MAMDC2: variants seen among roughly 807,000 people sequenced by gnomAD.
The protein encoded by MAMDC2 is MAM domain-containing protein 2.
Under a neutral mutation model 89.8 loss-of-function variants are expected in MAMDC2, and 57 were observed. The observed-to-expected ratio is 0.63, with a 90% CI of 0.51 to 0.79. The LOEUF is 0.79. MAMDC2 is among the 30% of genes least tolerant of loss of function. The pLI is 0.00. For missense variants in MAMDC2, 800 were observed against 820.6 expected, an observed-to-expected ratio of 0.97 and a Z score of 0.31; for synonymous variants, 313 against 293.4, an observed-to-expected ratio of 1.07 and a Z score of -0.68.
At chr9:70,062,421 T>C (rs1467439977) in intron 2 of MAMDC2, 4 of 152,188 alleles carry the variant, frequency 2.6e-5, no homozygotes, top group Non-Finnish European at 5.9e-5. Flanking sequence ...TTTTTTAGGT[T>C]TGAGCATACT....
chr9:70,095,426 G>A (rs1828004777), intron 2 of MAMDC2, among the ~76,000 whole-genome samples: 1 of 152,194 alleles, frequency 6.6e-6, no homozygotes, highest in Non-Finnish European at 1.5e-5. Context: ...GGAACTTGAA[G>A]GAATGGTTGA....
At chr9:70,220,214 T>C (rs1229745613) in intron 12 of MAMDC2, among the ~76,000 whole-genome samples, 10 of 152,220 alleles carry the variant, frequency 6.6e-5, no homozygotes, top group Non-Finnish European at 2.9e-5. Context: ...TATCAGCATC[T>C]AGGCCTTGGG....
intron 9 of MAMDC2, among the ~76,000 whole-genome samples, chr9:70,158,660 TAC>T (rs1168723413): frequency 6.6e-6 from 1 of 152,012 alleles, no homozygotes; most frequent in Non-Finnish European, 1.5e-5. Flanking sequence ...TATATGTATA[TAC>T]AGTCATGTAT....
At chr9:70,203,777 A>G (rs1226087377) in intron 11 of MAMDC2, among the ~76,000 whole-genome samples, 1 of 125,860 alleles carries the variant, frequency 7.9e-6, no homozygotes, top group East Asian at 2.4e-4. Flanking sequence ...TCTTCTCTAA[A>G]CTTCCCTTCT....
At chr9:70,146,744 C>T (rs1330539097) in intron 9 of MAMDC2, among the ~76,000 whole-genome samples, 1 of 151,810 alleles carries the variant, frequency 6.6e-6, no homozygotes, top group South Asian at 2.1e-4. Context: ...ACCAGCCTGG[C>T]CAACACGGCA....
At chr9:70,056,923 G>C (rs1827037017) in intron 2 of MAMDC2, among the ~76,000 whole-genome samples, 1 of 152,208 alleles carries the variant, frequency 6.6e-6, no homozygotes, top group Admixed American at 6.5e-5. Context: ...TCTAATGCCT[G>C]ATGATCTGTC....
At chr9:70,062,382 G>A (rs1417426543) in intron 2 of MAMDC2, among the ~76,000 whole-genome samples, 7 of 151,980 alleles carry the variant, frequency 4.6e-5, no homozygotes, top group Admixed American at 1.3e-4. Flanking sequence ...TTGAAGGATC[G>A]TAAGAGATGA....
rs2033637658 is a variant in MAMDC2, at chr9:70,226,180, A to G, written c.*148A>G. On this transcript the variant is annotated 3_prime_UTR_variant, in exon 14 of 14. Transcript: ENST00000377182. Reference sequence around the variant, plus strand: ...ACCCTCCTTCATTACTTTTGCAAAAACATACTGACTCAGGGCTCTTTTTTT... The same window carrying G: ...ACCCTCCTTCATTACTTTTGCAAAAGCATACTGACTCAGGGCTCTTTTTTT... 1 of 489,640 alleles carries G rather than the reference A, an allele frequency of 2.0e-6. No individual in the cohort carries two copies. Among genetic ancestry groups the G allele is most frequent in the Non-Finnish European group, 3.6e-6 (1 of 274,874 alleles). The allele number at this position is 489,640 out of a possible 1,614,324, so 30.3% of individuals were successfully genotyped here. A position where few individuals can be genotyped will look rare whatever the true frequency, so the allele number is the denominator to read the frequency against.
chr9:70,119,474 T>C (rs888354616), intron 5 of MAMDC2, among the ~76,000 whole-genome samples: 2 of 152,222 alleles, frequency 1.3e-5, no homozygotes, highest in Admixed American at 1.3e-4. Flanking sequence ...GTGCGTGGTG[T>C]AAGTACTCGG....
At chr9:70,214,894 G>A (rs1333898956) in intron 11 of MAMDC2, among the ~76,000 whole-genome samples, 1 of 152,220 alleles carries the variant, frequency 6.6e-6, no homozygotes, top group African/African-American at 2.4e-5. Flanking sequence ...CTGTCAGGAA[G>A]TTGAGTTTTG....
intron 11 of MAMDC2, among the ~76,000 whole-genome samples, chr9:70,198,832 AAAT>A (rs568492851): frequency 9.0e-4 from 137 of 152,300 alleles, no homozygotes; most frequent in African/African-American, 3.0e-3. Flanking sequence ...ATAAAATATT[AAAT>A]AATGAAGTTT....
intron 2 of MAMDC2, among the ~76,000 whole-genome samples, chr9:70,095,069 A>G (rs1827993245): frequency 1.3e-5 from 2 of 152,222 alleles, no homozygotes; most frequent in African/African-American, 2.4e-5. Context: ...AGAGTATCCC[A>G]GATAAAGGAA....
At chr9:70,120,935 G>C (rs554347561) in intron 5 of MAMDC2, among the ~76,000 whole-genome samples, 1 of 152,312 alleles carries the variant, frequency 6.6e-6, no homozygotes, top group African/African-American at 2.4e-5. Context: ...CATGGCAGCA[G>C]ACCAGTGGGT....
intron 2 of MAMDC2, among the ~76,000 whole-genome samples, chr9:70,107,419 A>G (rs2975884): frequency 0.15 from 22,213 of 152,024 alleles, 1,992 homozygotes; most frequent in African/African-American, 0.23. Flanking sequence ...GAGAGGAGGA[A>G]AAGGAGAAAG....
chr9:70,202,613 T>C (rs995409559), intron 11 of MAMDC2, among the ~76,000 whole-genome samples: 2 of 146,282 alleles, frequency 1.4e-5, no homozygotes, highest in African/African-American at 5.1e-5. Flanking sequence ...GTATCCTTGT[T>C]GACTTTCTGT....
chr9:70,205,835 G>T (rs911259332), intron 11 of MAMDC2, among the ~76,000 whole-genome samples: 1 of 152,178 alleles, frequency 6.6e-6, no homozygotes, highest in African/African-American at 2.4e-5. Context: ...GCTTTTCTTT[G>T]CTGAGACAGA....
rs73452704 is a variant in MAMDC2, at chr9:70,206,320, G to A, written c.1652-12017G>A. Among the ~76,000 whole-genome samples, 45 of 152,236 alleles carry A rather than the reference G, an allele frequency of 3.0e-4. 1 individual carries two copies. Among genetic ancestry groups the A allele is most frequent in the African/African-American group, 1.1e-3 (45 of 41,538 alleles). On this transcript the variant is annotated intron_variant, in intron 11 of 13. Coordinates refer to ENST00000377182, the MANE Select transcript of MAMDC2 (RefSeq NM_153267.5). Reference sequence around the variant, plus strand: ...GAGTTATTGTTGTTAATCTCTTACAGCATCTAATTTATAACAAAATTTATC... The same window carrying A: ...GAGTTATTGTTGTTAATCTCTTACAACATCTAATTTATAACAAAATTTATC...
intron 12 of MAMDC2, among the ~76,000 whole-genome samples, chr9:70,223,323 TAAAATA>T (rs1275446062): frequency 6.6e-6 from 1 of 152,118 alleles, no homozygotes; most frequent in Non-Finnish European, 1.5e-5. Context: ...AAAAAATACT[TAAAATA>T]AAAATTAAGA....
At position 70,113,088 on chromosome 9, in the gene MAMDC2, T is replaced by G; in HGVS notation, c.599T>G (p.Val200Gly). ...GTTGGAGGAGGAAGTATTCGGAATGTCCACTCCATTCTCCCACAGGATCAC... is the reference window on the plus strand; with the variant it reads ...GTTGGAGGAGGAAGTATTCGGAATGGCCACTCCATTCTCCCACAGGATCAC... ...WFVGGGSIRN[V>G]HSILPQDHTF... is the part of the protein sequence containing the mutation. The change falls in exon 5 of 14, where the codon GTC becomes GGC. Residue 200 changes from valine (V) to glycine (G), a missense_variant. Transcript: ENST00000377182. 1 of 1,614,066 alleles carries G rather than the reference T, an allele frequency of 6.2e-7. No homozygotes were observed. The highest frequency in any genetic ancestry group is 8.5e-7 in the Non-Finnish European group (1 of 1,179,974).
Sources: gnomAD v4.1 joint callset for allele counts (sites outside exome capture counted in the v4.1 genomes callset) on GRCh38, gnomAD v4.1.1 for gene constraint, MANE v1.5 for transcripts, NCBI Gene and HGNC (gene_info 2026-07-23, HGNC 2026-07-21) for gene names.